Variants in EGFR observed in about 807,000 individuals in gnomAD.
EGFR encodes avian erythroblastic leukemia viral (v-erb-b) oncogene homolog.
In EGFR, 58 loss-of-function variants were observed where a neutral mutation model predicts 143.0. That is an observed-to-expected ratio of 0.41 (90% CI 0.33 to 0.50). The LOEUF is 0.50. EGFR is among the 20% of genes least tolerant of loss of function. EGFR has a pLI of 0.39. For missense variants in EGFR, 1,307 were observed against 1,579.0 expected (o/e 0.83, Z 2.92); for synonymous variants, 613 against 594.4 (o/e 1.03, Z -0.45).
intron 8 of EGFR, 45 bp from the exon 9 acceptor site, chr7:55,156,488 A>T (rs2128938029): frequency 6.2e-7 from 1 of 1,613,124 alleles, no homozygotes. Context: ...GCTATTCTTA[A>T]TCCAACAAAT....
At chr7:55,175,585 C>T (rs1284134418) in intron 19 of EGFR, among the ~76,000 whole-genome samples, 1 of 152,148 alleles carries the variant, frequency 6.6e-6, no homozygotes, top group Non-Finnish European at 1.5e-5. Flanking sequence ...CTTGTCCCAA[C>T]ACAGAGCAAG....
intron 1 of EGFR, among the ~76,000 whole-genome samples, chr7:55,029,166 A>C (rs559051847): frequency 3.0e-4 from 46 of 152,308 alleles, no homozygotes; most frequent in African/African-American, 1.1e-3. Context: ...CAAAAAACAA[A>C]AAAAAAGTGG....
chr7:55,193,156 T>C (rs767769120), intron 22 of EGFR, among the ~76,000 whole-genome samples: 2 of 152,094 alleles, frequency 1.3e-5, no homozygotes, highest in Non-Finnish European at 2.9e-5. Flanking sequence ...AAACCATTAA[T>C]GTTGCCATGA....
At chr7:55,088,813 A>T (rs1032293229) in intron 1 of EGFR, among the ~76,000 whole-genome samples, 2 of 152,206 alleles carry the variant, frequency 1.3e-5, no homozygotes, top group Non-Finnish European at 2.9e-5. Flanking sequence ...GAAAACATCA[A>T]GTTCTGGAGA....
In EGFR at chr7:55,152,598, C is replaced by T. The variant is rs1313321537; in HGVS notation, c.681C>T (p.Ser227=). ...GCTCCGGGCGCTGCCGTGGCAAGTC[C>T]CCCAGTGACTGCTGCCACAACCAGT... ...QQCSGRCRGK[S]PSDCCHNQCA... is the part of the protein sequence containing the mutation. The change falls in exon 6 of 28, where the codon TCC becomes TCT. Residue 227 remains serine, a synonymous_variant. Coordinates refer to ENST00000275493, the MANE Select transcript of EGFR (RefSeq NM_005228.5). 14 of 1,613,742 alleles carry T rather than the reference C, an allele frequency of 8.7e-6. No homozygotes were observed. The highest frequency in any genetic ancestry group is 1.3e-5 in the African/African-American group (1 of 74,908).
rs879003534 is a variant in EGFR, at chr7:55,200,307, C to T, written c.2849-9C>T. 21 of 1,613,438 alleles carry T rather than the reference C, an allele frequency of 1.3e-5. No homozygotes were observed. The Admixed American group carries it at 2.5e-4, about 19-fold the overall frequency. On this transcript the variant is annotated splice_polypyrimidine_tract_variant and intron_variant, in intron 23 of 27. Coordinates refer to ENST00000275493, the MANE Select transcript of EGFR (RefSeq NM_005228.5). ...CTAATTGCACTGTTTTTTCTCATTC[C>T]TTCCCCAGGCTGGATGATAGACGCA...
rs74443197 is a variant in EGFR, at chr7:55,043,116, G to C, written c.88+23751G>C. Among the ~76,000 whole-genome samples, 1,139 of 152,162 alleles carry C rather than the reference G, an allele frequency of 7.5e-3. 19 individuals are homozygous for C. The highest frequency in any genetic ancestry group is 0.026 in the African/African-American group (1,072 of 41,502). Reference sequence around the variant, plus strand: ...ATGTTAATACTTGATGAGATCGGGCGCGTTCAAGGTGGCATGGCCGTAGAC... The same window carrying C: ...ATGTTAATACTTGATGAGATCGGGCCCGTTCAAGGTGGCATGGCCGTAGAC... On this transcript the variant is annotated intron_variant, in intron 1 of 27. Transcript: ENST00000275493.
intron 23 of EGFR, 55 bp downstream of exon 23, chr7:55,198,918 T>C: frequency 6.2e-7 from 1 of 1,609,490 alleles, no homozygotes; most frequent in South Asian, 1.1e-5. Flanking sequence ...GTGGCTGCTC[T>C]TAGCCAAACA....
At chr7:55,106,095 G>T (rs1318168288) in intron 1 of EGFR, among the ~76,000 whole-genome samples, 3 of 152,352 alleles carry the variant, frequency 2.0e-5, no homozygotes, top group East Asian at 1.9e-4. Context: ...AGGTCTGGGA[G>T]CCTAGCGGCA....
At chr7:55,102,001 C>A (rs1191898546) in intron 1 of EGFR, among the ~76,000 whole-genome samples, 1 of 152,190 alleles carries the variant, frequency 6.6e-6, no homozygotes, top group Non-Finnish European at 1.5e-5. Context: ...CAGATCATGA[C>A]ATTCTCTTGA....
At chr7:55,104,541 T>G (rs1227652525) in intron 1 of EGFR, among the ~76,000 whole-genome samples, 2 of 152,232 alleles carry the variant, frequency 1.3e-5, no homozygotes, top group African/African-American at 4.8e-5. Context: ...GGGGGTTATC[T>G]GAAGGATTCC....
intron 1 of EGFR, chr7:55,109,816 T>A: frequency 1.0e-6 from 1 of 985,446 alleles, no homozygotes; most frequent in Non-Finnish European, 1.2e-6. Flanking sequence ...AAAGCCCATC[T>A]CCTTTTGAAT....
Position 55,047,769 on chromosome 7 carries a change from C to A in EGFR, c.88+28404C>A, listed in dbSNP as rs533356629. Among the ~76,000 whole-genome samples, 10 of 152,120 alleles carry A rather than the reference C, an allele frequency of 6.6e-5. No homozygotes were observed. In the East Asian group the frequency reaches 7.7e-4, roughly 12 times the overall value. On this transcript the variant is annotated intron_variant, in intron 1 of 27. Coordinates refer to ENST00000275493, the MANE Select transcript of EGFR (RefSeq NM_005228.5). ...TCCATCTCGAAAACAAACAAACAAA[C>A]AAAAAAACACTGGGGCCAAAGAACT...
chr7:55,148,859 C>CA (rs35004531), intron 4 of EGFR, among the ~76,000 whole-genome samples: 6,331 of 143,536 alleles, frequency 0.044, 179 homozygotes, highest in African/African-American at 0.089. Flanking sequence ...TAGTCTTCAC[C>CA]AAAAAAAAAA....
At chr7:55,075,642 C>G (rs558861049) in intron 1 of EGFR, among the ~76,000 whole-genome samples, 6 of 152,124 alleles carry the variant, frequency 3.9e-5, no homozygotes, top group Admixed American at 3.9e-4. Flanking sequence ...GTAATGGATA[C>G]ACTCAGGCAG....
At chr7:55,131,727 C>T (rs1004485326) in intron 1 of EGFR, among the ~76,000 whole-genome samples, 2 of 152,130 alleles carry the variant, frequency 1.3e-5, no homozygotes, top group Non-Finnish European at 2.9e-5. Flanking sequence ...GTTTGACCCT[C>T]GGGGGAAAAG....
At chr7:55,044,713 C>T (rs1472740752) in intron 1 of EGFR, among the ~76,000 whole-genome samples, 2 of 152,168 alleles carry the variant, frequency 1.3e-5, no homozygotes, top group Non-Finnish European at 2.9e-5. Flanking sequence ...ACTTGTTTCC[C>T]GCCGCCCCCC....
At chr7:55,027,718 A>T (rs914105988) in intron 1 of EGFR, among the ~76,000 whole-genome samples, 1 of 152,114 alleles carries the variant, frequency 6.6e-6, no homozygotes, top group Non-Finnish European at 1.5e-5. Flanking sequence ...TAAGAGAGAA[A>T]TGAAACAAAA....
At chr7:55,112,753 G>A (rs1299191532) in intron 1 of EGFR, among the ~76,000 whole-genome samples, 2 of 152,170 alleles carry the variant, frequency 1.3e-5, no homozygotes, top group South Asian at 2.1e-4. Flanking sequence ...AATTGCTGTC[G>A]GAGGGCTCTG....
Sources: allele counts gnomAD v4.1 joint callset (sites outside exome capture counted in the v4.1 genomes callset), GRCh38; gene constraint gnomAD v4.1.1; transcripts MANE v1.5; gene names NCBI Gene and HGNC (gene_info 2026-07-23, HGNC 2026-07-21).